Variants in FAM81B observed in about 807,000 individuals in gnomAD.
FAM81B encodes the protein protein FAM81B.
A neutral mutation model predicts 58.7 loss-of-function variants in FAM81B; 60 were observed. The observed-to-expected ratio is 1.02, with a 90% CI of 0.83 to 1.27. The LOEUF is 1.27. Among genes scored for constraint, FAM81B ranks in the 50% most tolerant of loss-of-function variants. The probability of loss-of-function intolerance (pLI) is 0.00; values close to 1 mark genes in which losing one functional copy is unlikely to be tolerated. For synonymous variants in FAM81B, 189 were observed against 179.6 expected (o/e 1.05, Z -0.42); for missense variants, 491 against 522.0 (o/e 0.94, Z 0.58).
At chr5:95,398,552 A>G (rs1304262243) in intron 3 of FAM81B, among the ~76,000 whole-genome samples, 1 of 152,250 alleles carries the variant, frequency 6.6e-6, no homozygotes, top group Non-Finnish European at 1.5e-5. Flanking sequence ...AACTCATTAA[A>G]TGGCCTGAGT....
intron 4 of FAM81B, among the ~76,000 whole-genome samples, chr5:95,418,531 A>G (rs1762595413): frequency 6.6e-6 from 1 of 152,214 alleles, no homozygotes. Context: ...TTACAGCCAC[A>G]GTGTGTACGA....
intron 9 of FAM81B, 25 bp from the exon 10 acceptor site, chr5:95,450,124 T>C: frequency 6.3e-7 from 1 of 1,593,350 alleles, no homozygotes; most frequent in Non-Finnish European, 8.5e-7. Context: ...TGTTTAAGTG[T>C]ACCTATTCTT....
In FAM81B at chr5:95,421,676, T is replaced by G. The variant is rs531532084; in HGVS notation, c.656+1274T>G. On this transcript the variant is annotated intron_variant, in intron 5 of 9. Coordinates refer to ENST00000283357, the MANE Select transcript of FAM81B (RefSeq NM_152548.3). ...TTCTAGTTGCAGTGAATTGGTAGAA[T>G]ACAAAAAAAGGTTGTGGAGATCAGA... is the stretch of plus-strand genomic sequence containing the variant. 2.6e-3 allele frequency among the ~76,000 whole-genome samples: 222 copies of G among 85,242 alleles called. 1 individual carries two copies. Among genetic ancestry groups the G allele is most frequent in the African/African-American group, 7.8e-3 (215 of 27,740 alleles). The allele number at this position is 85,242 out of a possible 152,430, so 55.9% of individuals were successfully genotyped here. A position where few individuals can be genotyped will look rare whatever the true frequency, so the allele number is the denominator to read the frequency against.
chr5:95,407,555 C>T (rs1379175541), intron 3 of FAM81B, among the ~76,000 whole-genome samples: 1 of 152,220 alleles, frequency 6.6e-6, no homozygotes, highest in African/African-American at 2.4e-5. Context: ...TCAGACTGTT[C>T]AAGGGGCATC....
intron 3 of FAM81B, among the ~76,000 whole-genome samples, chr5:95,403,217 G>A (rs919761081): frequency 2.0e-5 from 3 of 152,052 alleles, no homozygotes; most frequent in Non-Finnish European, 4.4e-5. Flanking sequence ...GGTTTGTGTT[G>A]GAGTGGAGTA....
At chr5:95,422,998 C>G (rs6869475) in intron 5 of FAM81B, among the ~76,000 whole-genome samples, 46,857 of 151,976 alleles carry the variant, frequency 0.31, 8,885 homozygotes, top group African/African-American at 0.54. Flanking sequence ...ATTTGGCTAA[C>G]GGCCATGAGA....
intron 1 of FAM81B, 149 bp downstream of exon 1, chr5:95,391,662 A>AC: frequency 1.2e-6 from 1 of 819,456 alleles, no homozygotes. Context: ...CAAATGTACA[A>AC]GAAAAAAAAA....
intron 3 of FAM81B, among the ~76,000 whole-genome samples, chr5:95,402,985 A>T (rs765633532): frequency 2.6e-5 from 4 of 152,330 alleles, no homozygotes; most frequent in Non-Finnish European, 4.4e-5. Context: ...CCAACCTGCC[A>T]AGCTGCTTCT....
chr5:95,399,708 A>T (rs1762057304), intron 3 of FAM81B, among the ~76,000 whole-genome samples: 1 of 152,214 alleles, frequency 6.6e-6, no homozygotes, highest in Admixed American at 6.5e-5. Flanking sequence ...TCTCTAGAGC[A>T]CAGAGGGAGC....
chr5:95,412,541 T>C (rs1762432058), intron 3 of FAM81B, among the ~76,000 whole-genome samples: 1 of 152,206 alleles, frequency 6.6e-6, no homozygotes, highest in African/African-American at 2.4e-5. Flanking sequence ...TTAAACCATA[T>C]GGGGTGGCCA....
chr5:95,430,277 T>C (rs79885230), intron 6 of FAM81B, among the ~76,000 whole-genome samples: 1,921 of 152,074 alleles, frequency 0.013, 42 homozygotes, highest in African/African-American at 0.044. Flanking sequence ...TCCTCACAGG[T>C]AAGCATTTTT....
chr5:95,420,568 G>A lies in FAM81B; in HGVS notation c.656+166G>A, dbSNP rs776063796. On this transcript the variant is annotated intron_variant, in intron 5 of 9. Transcript: ENST00000283357. ...TACCATAGAACTTTCAATGCCTCAC[G>A]CTAGCGGTGAGATTCAAAGTTTCTG... is the stretch of plus-strand genomic sequence containing the variant. Among the ~76,000 whole-genome samples the A allele has an allele frequency of 3.9e-5, 6 of 152,142 alleles. No individual in the cohort carries two copies. The South Asian group carries it at 8.3e-4, about 21-fold the overall frequency.
At chr5:95,440,947 G>C (rs1221196946) in intron 7 of FAM81B, among the ~76,000 whole-genome samples, 2 of 152,140 alleles carry the variant, frequency 1.3e-5, no homozygotes, top group Non-Finnish European at 2.9e-5. Flanking sequence ...TGAGAGAGAA[G>C]AGAAGAGCAA....
intron 7 of FAM81B, chr5:95,440,215 T>C: frequency 1.5e-6 from 1 of 655,326 alleles, no homozygotes. Flanking sequence ...ATTGACTGGC[T>C]TCTCGGTCTA....
chr5:95,401,533 C>T (rs1286998499), intron 3 of FAM81B, among the ~76,000 whole-genome samples: 2 of 152,098 alleles, frequency 1.3e-5, no homozygotes, highest in African/African-American at 2.4e-5. Flanking sequence ...TCCCCACACA[C>T]ACTCATAGAT....
chr5:95,408,027 G>A (rs1762306653), intron 3 of FAM81B, among the ~76,000 whole-genome samples: 1 of 150,586 alleles, frequency 6.6e-6, no homozygotes, highest in South Asian at 2.1e-4. Context: ...CTCACCATGT[G>A]GACCTCTCCA....
intron 3 of FAM81B, among the ~76,000 whole-genome samples, chr5:95,406,652 G>A (rs748512441): frequency 6.6e-6 from 1 of 152,074 alleles, no homozygotes; most frequent in Non-Finnish European, 1.5e-5. Context: ...GGCACATCAC[G>A]GCATCCACAG....
intron 4 of FAM81B, among the ~76,000 whole-genome samples, chr5:95,419,403 A>C (rs1320691789): frequency 6.6e-6 from 1 of 152,228 alleles, no homozygotes; most frequent in African/African-American, 2.4e-5. Context: ...AAAGGCCTAC[A>C]CAGAACTCTC....
chr5:95,426,088 CTGTG>C lies in FAM81B; in HGVS notation c.657-2511_657-2508del, dbSNP rs77896259. On this transcript the variant is annotated intron_variant, in intron 5 of 9. Coordinates refer to ENST00000283357, the MANE Select transcript of FAM81B (RefSeq NM_152548.3). The stretch of plus-strand genomic sequence containing the variant: ...TCTAAATTATGTTTTCTTCCTATCT[CTGTG>C]TGTATATATATATATATATATATAT... Among the ~76,000 whole-genome samples, 3 of 90,282 alleles carry C rather than the reference CTGTG, an allele frequency of 3.3e-5. No homozygotes were observed. In the South Asian group the frequency reaches 1.2e-3, roughly 35 times the overall value. The allele number at this position is 90,282 out of a possible 152,430, so 59.2% of individuals were successfully genotyped here. A position where few individuals can be genotyped will look rare whatever the true frequency, so the allele number is the denominator to read the frequency against.
Sources: allele counts gnomAD v4.1 joint callset (sites outside exome capture counted in the v4.1 genomes callset), GRCh38; gene constraint gnomAD v4.1.1; transcripts MANE v1.5; gene names NCBI Gene and HGNC (gene_info 2026-07-23, HGNC 2026-07-21).